The following DENND1A variants were observed in gnomAD, a reference collection of about 807,000 sequenced individuals.
The protein encoded by DENND1A is DENN domain containing 1A, also known as DENN domain-containing protein 1A.
Under a neutral mutation model 113.7 loss-of-function variants are expected in DENND1A, and 51 were observed. That is an observed-to-expected ratio of 0.45 (90% confidence interval 0.36 to 0.57). DENND1A has a LOEUF of 0.57. DENND1A is among the 20% of genes least tolerant of loss of function. DENND1A has a pLI of 0.00. For missense variants in DENND1A, 1,258 were observed against 1,395.9 expected (o/e 0.90, Z 1.57); for synonymous variants, 565 against 570.8 (o/e 0.99, Z 0.14).
Position 123,381,454 on chromosome 9 carries a change from T to C in DENND1A, c.3191A>G (p.Lys1064Arg), listed in dbSNP as rs745972611. The C allele has an allele frequency of 2.5e-6, 4 of 1,613,238 alleles. No homozygotes were observed. Among genetic ancestry groups the C allele is most frequent in the East Asian group, 4.5e-5 (2 of 44,852 alleles). ...PAPDSVEQLR[K>R]QWETFE ...GGCTCACTCGAAGGTCTCCCACTGC[T>C]TCCTGAGCTGCTCCACCGAGTCTGG... Residue 1064 changes from lysine to arginine, a missense_variant, in exon 24 of 24, where the codon AAG (lysine) becomes AGG (arginine). By Grantham distance (26) the Lys-to-Arg change is conservative (BLOSUM62 2). Coordinates refer to ENST00000394215, the MANE Select transcript of DENND1A (RefSeq NM_001352964.2). The surrounding 1 kb of genome is among the most constrained non-coding windows in gnomAD (Gnocchi z 4.7).
chr9:123,558,996 G>A (rs989598625), intron 12 of DENND1A, among the ~76,000 whole-genome samples: 15 of 152,160 alleles, frequency 9.9e-5, no homozygotes, highest in East Asian at 1.9e-4. Flanking sequence ...CTACTGTGAC[G>A]AGCCTGTAAC....
At chr9:123,547,475 G>A (rs2056777364) in intron 13 of DENND1A, among the ~76,000 whole-genome samples, 1 of 152,216 alleles carries the variant, frequency 6.6e-6, no homozygotes, top group Admixed American at 6.5e-5. Context: ...GTTGTGGTGA[G>A]CTGAGATGTC....
At chr9:123,437,497 A>T (rs1225763223) in intron 19 of DENND1A, 1 of 152,234 alleles carries the variant, frequency 6.6e-6, no homozygotes, top group Non-Finnish European at 1.5e-5. Context: ...TGGCAAGCTA[A>T]ATCTTCTTAA....
At chr9:123,618,705 C>G (rs1164407279) in intron 10 of DENND1A, among the ~76,000 whole-genome samples, 1 of 152,196 alleles carries the variant, frequency 6.6e-6, no homozygotes, top group East Asian at 1.9e-4. Context: ...GGGAAGGTCA[C>G]TCCTGTGTTA....
intron 13 of DENND1A, among the ~76,000 whole-genome samples, chr9:123,552,018 C>A (rs1003080840): frequency 0.01 from 1,195 of 118,366 alleles, 23 homozygotes; most frequent in African/African-American, 0.034. Context: ...AGAGCGAGAG[C>A]GAGAGAGAGA....
intron 10 of DENND1A, among the ~76,000 whole-genome samples, chr9:123,613,488 G>A (rs1164408999): frequency 6.6e-6 from 1 of 152,160 alleles, no homozygotes; most frequent in African/African-American, 2.4e-5. Context: ...TTCCTGTTTA[G>A]GTTCAAGAAA....
At chr9:123,911,962 G>A (rs1854069049) in intron 1 of DENND1A, among the ~76,000 whole-genome samples, 2 of 151,960 alleles carry the variant, frequency 1.3e-5, no homozygotes, top group South Asian at 4.2e-4. Context: ...CCAAAGTGCT[G>A]GGATTACAGG....
At chr9:123,451,403 G>A (rs2047709374) in intron 17 of DENND1A, among the ~76,000 whole-genome samples, 1 of 152,156 alleles carries the variant, frequency 6.6e-6, no homozygotes, top group Admixed American at 6.5e-5. Context: ...GAAGTCACAA[G>A]AAAAAATACT....
chr9:123,919,246 T>C (rs1855779689), intron 1 of DENND1A, among the ~76,000 whole-genome samples: 1 of 150,152 alleles, frequency 6.7e-6, no homozygotes, highest in Admixed American at 6.7e-5. Context: ...CCTAGGTGGG[T>C]GGACTGCTTG....
intron 16 of DENND1A, among the ~76,000 whole-genome samples, chr9:123,453,862 C>T (rs962182530): frequency 6.6e-6 from 1 of 152,190 alleles, no homozygotes; most frequent in Admixed American, 6.5e-5. Flanking sequence ...CTCAGTATCC[C>T]ATTTAAATGG....
chr9:123,776,810 A>T (rs751329386), intron 3 of DENND1A, among the ~76,000 whole-genome samples: 2 of 152,194 alleles, frequency 1.3e-5, no homozygotes, highest in African/African-American at 2.4e-5. Context: ...TTAGCTTTTG[A>T]AATGTTGGCC....
intron 12 of DENND1A, among the ~76,000 whole-genome samples, chr9:123,568,222 C>T (rs1384640756): frequency 2.0e-5 from 3 of 152,308 alleles, no homozygotes; most frequent in Admixed American, 6.5e-5. Flanking sequence ...GGGCTCAGCC[C>T]GACCTGAGTT....
At chr9:123,878,271 C>A (rs1050197547) in intron 2 of DENND1A, among the ~76,000 whole-genome samples, 1 of 151,776 alleles carries the variant, frequency 6.6e-6, no homozygotes, top group African/African-American at 2.4e-5. Flanking sequence ...CCTAAACATA[C>A]CTTTGGCAAA....
intron 13 of DENND1A, among the ~76,000 whole-genome samples, chr9:123,523,903 G>C (rs923379893): frequency 2.2e-4 from 34 of 152,092 alleles, no homozygotes; most frequent in South Asian, 2.1e-4. Flanking sequence ...AGGTGATCAT[G>C]GGCAGAGGAC....
At chr9:123,437,897 T>G (rs1187213364) in intron 19 of DENND1A, 1 of 152,194 alleles carries the variant, frequency 6.6e-6, no homozygotes, top group Non-Finnish European at 1.5e-5. Context: ...AGGTGATTCA[T>G]AGATGAACAC....
chr9:123,527,043 G>A (rs1316609155), intron 13 of DENND1A, among the ~76,000 whole-genome samples: 3 of 152,114 alleles, frequency 2.0e-5, no homozygotes, highest in Non-Finnish European at 2.9e-5. Context: ...CTTCATCCTA[G>A]TGGGTGGGAA....
chr9:123,596,715 C>T (rs2059709546), intron 11 of DENND1A, among the ~76,000 whole-genome samples: 1 of 152,190 alleles, frequency 6.6e-6, no homozygotes, highest in Non-Finnish European at 1.5e-5. Context: ...TACCAGAGTG[C>T]TGAAACACAG....
chr9:123,813,299 T>G (rs988082729), intron 2 of DENND1A, among the ~76,000 whole-genome samples: 2 of 152,176 alleles, frequency 1.3e-5, no homozygotes, highest in African/African-American at 2.4e-5. Context: ...AAGAAATCCT[T>G]TCGTAAGACT....
At chr9:123,478,569 G>A (rs2050097448) in intron 13 of DENND1A, among the ~76,000 whole-genome samples, 1 of 152,198 alleles carries the variant, frequency 6.6e-6, no homozygotes, top group Non-Finnish European at 1.5e-5. Flanking sequence ...ATTTACTCTA[G>A]TTACTGATAG....
Sources: gnomAD v4.1 joint callset for allele counts (sites outside exome capture counted in the v4.1 genomes callset) on GRCh38, gnomAD v4.1.1 for gene constraint, Gnocchi (gnomAD v3.1) non-coding constraint, MANE v1.5 for transcripts, NCBI Gene and HGNC (gene_info 2026-07-23, HGNC 2026-07-21) for gene names.